PLXDC2: variants seen among roughly 807,000 people sequenced by gnomAD.
PLXDC2 encodes plexin domain containing 2.
PLXDC2 carries 40 observed loss-of-function variants against 68.9 expected under a neutral mutation model. That is an observed-to-expected ratio of 0.58 (90% CI 0.45 to 0.76). The LOEUF (loss-of-function observed/expected upper bound fraction) is 0.76, where lower values mean the gene tolerates loss of function less well. Ranked by LOEUF, PLXDC2 falls within the 30% of genes least tolerant of loss-of-function variation. The pLI is 0.00. For missense variants in PLXDC2, 644 were observed against 661.9 expected, an observed-to-expected ratio of 0.97 and a Z score of 0.30; for synonymous variants, 243 against 234.2, an observed-to-expected ratio of 1.04 and a Z score of -0.34.
At chr10:20,101,781 G>GT (rs531954205) in intron 4 of PLXDC2, among the ~76,000 whole-genome samples, 18 of 135,784 alleles carry the variant, frequency 1.3e-4, no homozygotes, top group Admixed American at 6.2e-4. Context: ...ACAATATCTT[G>GT]TTTTTTTACC....
rs370092770 is a variant in PLXDC2, at chr10:19,845,345, A to T, written c.112+28154A>T. ...ATGTTAAACTGAACTGTAGAGAGTAAGGGTAATTTATCGCAAGCAGGAGGG... is the reference window on the plus strand; with the variant it reads ...ATGTTAAACTGAACTGTAGAGAGTATGGGTAATTTATCGCAAGCAGGAGGG... On this transcript the variant is annotated intron_variant, in intron 1 of 13. Coordinates refer to ENST00000377252, the MANE Select transcript of PLXDC2 (RefSeq NM_032812.9). Among the ~76,000 whole-genome samples the T allele has an allele frequency of 1.7e-4, 26 of 152,294 alleles. No homozygotes were observed. In the East Asian group the frequency reaches 4.8e-3, roughly 28 times the overall value.
intron 5 of PLXDC2, among the ~76,000 whole-genome samples, chr10:20,145,554 G>GT (rs1198031796): frequency 3.3e-5 from 5 of 151,530 alleles, no homozygotes; most frequent in South Asian, 2.1e-4. Context: ...ACTTTTTTTT[G>GT]TTTTTTGTGT....
Position 20,288,863 on chromosome 10 carries a change from G to A in PLXDC2, c.*9044G>A, listed in dbSNP as rs1039562312. 1 of 152,140 alleles carries A rather than the reference G, an allele frequency of 6.6e-6. No homozygotes were observed. Among genetic ancestry groups the A allele is most frequent in the Non-Finnish European group, 1.5e-5 (1 of 68,034 alleles). The allele number at this position is 152,140 out of a possible 1,614,324, so 9.4% of individuals were successfully genotyped here. ...TTTATCTTTAAAGGTGTGGAAGCTG[G>A]TGGGGACCAAATGTTACCTGTGTTT... On this transcript the variant is annotated 3_prime_UTR_variant, in exon 14 of 14. Transcript: ENST00000377252.
chr10:20,062,840 A>G (rs771789473), intron 3 of PLXDC2, among the ~76,000 whole-genome samples: 22 of 152,266 alleles, frequency 1.4e-4, no homozygotes, highest in Middle Eastern at 6.8e-3. Flanking sequence ...AGAGATGTAA[A>G]TCTTACCAGA....
At chr10:20,113,958 T>C (rs1306051170) in intron 4 of PLXDC2, among the ~76,000 whole-genome samples, 1 of 152,100 alleles carries the variant, frequency 6.6e-6, no homozygotes, top group African/African-American at 2.4e-5. Flanking sequence ...AAACCCTGTC[T>C]ACTAAAAATA....
At position 20,217,488 on chromosome 10, in the gene PLXDC2, C is replaced by T. The variant is rs558461773; in HGVS notation, c.1185C>T (p.Thr395=). 3.1e-6 allele frequency: 5 copies of T among 1,612,552 alleles called. No individual in the cohort carries two copies. In the Admixed American group the frequency reaches 5.0e-5, roughly 16 times the overall value. ...AAACTTCTTCTCGAACCACCACAACCGTAGGAGCGACAACCACCCAGTTCA... is the reference window on the plus strand; with the variant it reads ...AAACTTCTTCTCGAACCACCACAACTGTAGGAGCGACAACCACCCAGTTCA... ...PVETSSRTTT[T]VGATTTQFRV... is the part of the protein sequence containing the mutation. Residue 395 remains threonine (T), a synonymous_variant, in exon 11 of 14, where the codon ACC becomes ACT. Transcript: ENST00000377252.
chr10:20,065,194 G>T (rs561755421), intron 3 of PLXDC2, among the ~76,000 whole-genome samples: 2 of 152,188 alleles, frequency 1.3e-5, no homozygotes, highest in Non-Finnish European at 2.9e-5. Context: ...TGTCAGAAGG[G>T]ATGTCATGTG....
chr10:20,186,804 T>C (rs563815968), intron 9 of PLXDC2, among the ~76,000 whole-genome samples: 1 of 152,096 alleles, frequency 6.6e-6, no homozygotes, highest in East Asian at 1.9e-4. Flanking sequence ...GTTTTCTTTA[T>C]CCAGTCTACC....
At chr10:20,255,190 T>TA (rs770410658) in intron 13 of PLXDC2, among the ~76,000 whole-genome samples, 7,271 of 57,792 alleles carry the variant, frequency 0.13, 214 homozygotes, top group Middle Eastern at 0.19. Flanking sequence ...GATAGGTGGA[T>TA]GGATAGATAG....
At chr10:20,256,585 C>A (rs11011914) in intron 13 of PLXDC2, among the ~76,000 whole-genome samples, 37,740 of 151,636 alleles carry the variant, frequency 0.25, 4,876 homozygotes, top group African/African-American at 0.31. Context: ...TTTATTGTGC[C>A]CCTAGATTTG....
At chr10:19,968,508 C>T (rs958704918) in intron 1 of PLXDC2, among the ~76,000 whole-genome samples, 1 of 152,020 alleles carries the variant, frequency 6.6e-6, no homozygotes, top group African/African-American at 2.4e-5. Context: ...AGATGGGGGT[C>T]TCACCTTGTT....
intron 1 of PLXDC2, among the ~76,000 whole-genome samples, chr10:19,883,023 C>T (rs1422460364): frequency 2.7e-5 from 4 of 146,648 alleles, no homozygotes; most frequent in African/African-American, 1.0e-4. Flanking sequence ...GTGGCTCGAT[C>T]TCGGCTCACT....
At chr10:19,885,170 C>G (rs1837818308) in intron 1 of PLXDC2, among the ~76,000 whole-genome samples, 1 of 152,066 alleles carries the variant, frequency 6.6e-6, no homozygotes, top group Admixed American at 6.6e-5. Flanking sequence ...AGTGCCTGTT[C>G]ATGTCCTTTG....
intron 1 of PLXDC2, among the ~76,000 whole-genome samples, chr10:19,934,766 G>C (rs1833695628): frequency 6.6e-6 from 1 of 152,218 alleles, no homozygotes; most frequent in South Asian, 2.1e-4. Context: ...GTTCTAGACT[G>C]TTTCTTCAGG....
At chr10:20,089,798 G>A (rs371321081) in intron 4 of PLXDC2, among the ~76,000 whole-genome samples, 2 of 152,236 alleles carry the variant, frequency 1.3e-5, no homozygotes, top group East Asian at 3.8e-4. Flanking sequence ...AGGTAAAAGA[G>A]AGCCCAAGAG....
chr10:20,037,431 G>A (rs761699481), intron 2 of PLXDC2, among the ~76,000 whole-genome samples: 12 of 151,182 alleles, frequency 7.9e-5, no homozygotes, highest in Non-Finnish European at 1.3e-4. Flanking sequence ...ACATATATAT[G>A]CATGTGCCAT....
At chr10:19,830,525 C>T (rs1200181772) in intron 1 of PLXDC2, among the ~76,000 whole-genome samples, 1 of 152,150 alleles carries the variant, frequency 6.6e-6, no homozygotes, top group East Asian at 1.9e-4. Flanking sequence ...TTTCTATCTC[C>T]TCAGTATCTC....
chr10:19,829,545 G>A (rs1836645932), intron 1 of PLXDC2, among the ~76,000 whole-genome samples: 1 of 151,946 alleles, frequency 6.6e-6, no homozygotes, highest in African/African-American at 2.4e-5. Context: ...TATAATCTCA[G>A]CACTTTGGAA....
chr10:20,201,357 G>A (rs574438419), intron 9 of PLXDC2, among the ~76,000 whole-genome samples: 1 of 152,092 alleles, frequency 6.6e-6, no homozygotes, highest in Non-Finnish European at 1.5e-5. Context: ...TGATTTCATG[G>A]AAATAAAATG....
Sources: allele counts gnomAD v4.1 joint callset (sites outside exome capture counted in the v4.1 genomes callset), GRCh38; gene constraint gnomAD v4.1.1; transcripts MANE v1.5; gene names NCBI Gene and HGNC (gene_info 2026-07-23, HGNC 2026-07-21).